ATP8B4: variants seen among roughly 807,000 people sequenced by gnomAD.
The protein encoded by ATP8B4 is ATPase phospholipid transporting 8B4 (putative).
In ATP8B4, 133 loss-of-function variants were observed where a neutral mutation model predicts 145.6. That is an observed-to-expected ratio of 0.91 (90% CI 0.79 to 1.05). The LOEUF is 1.05. ATP8B4 is among the 50% of genes least tolerant of loss of function. ATP8B4 has a pLI of 0.00. For synonymous variants in ATP8B4, 507 were observed against 492.9 expected (o/e 1.03, Z -0.38); for missense variants, 1,458 against 1,425.2 (o/e 1.02, Z -0.37).
chr15:49,935,233 A>G (rs1043026664), intron 14 of ATP8B4, among the ~76,000 whole-genome samples: 1 of 152,074 alleles, frequency 6.6e-6, no homozygotes, highest in Non-Finnish European at 1.5e-5. Flanking sequence ...AATAGGCCCG[A>G]CTTTATGCTA....
intron 6 of ATP8B4, among the ~76,000 whole-genome samples, chr15:50,012,351 A>C (rs1371399595): frequency 6.6e-6 from 1 of 152,182 alleles, no homozygotes; most frequent in Non-Finnish European, 1.5e-5. Context: ...AATTGCCTTG[A>C]AGTCTCTACT....
Position 49,940,571 on chromosome 15 carries a change from T to A in ATP8B4, c.1288-6389A>T, listed in dbSNP as rs543747309. Among the ~76,000 whole-genome samples, 76 of 152,246 alleles carry A rather than the reference T, an allele frequency of 5.0e-4. 1 individual carries two copies. In the East Asian group the frequency reaches 0.01, roughly 21 times the overall value. Reference sequence around the variant, plus strand: ...ATTGAAGTTGAAATTATAAAAAAAATTTTAATCAACAAACAAAATAGACAA... The same window carrying A: ...ATTGAAGTTGAAATTATAAAAAAAAATTTAATCAACAAACAAAATAGACAA... On this transcript the variant is annotated intron_variant, in intron 14 of 27. Coordinates refer to ENST00000284509, the MANE Select transcript of ATP8B4 (RefSeq NM_024837.4).
chr15:50,084,585 C>G (rs548195397), intron 2 of ATP8B4, among the ~76,000 whole-genome samples: 2 of 152,290 alleles, frequency 1.3e-5, no homozygotes, highest in South Asian at 4.1e-4. Context: ...GCTGCTCTAA[C>G]AAATTACCAT....
At chr15:49,908,190 C>T in intron 20 of ATP8B4, 1 of 441,270 alleles carries the variant, frequency 2.3e-6, no homozygotes, top group South Asian at 1.6e-5. Flanking sequence ...TAGCAACAGG[C>T]TTATTAAAAT....
chr15:49,865,068 T>C (rs1354846051), intron 26 of ATP8B4, among the ~76,000 whole-genome samples: 1 of 152,144 alleles, frequency 6.6e-6, no homozygotes, highest in African/African-American at 2.4e-5. Flanking sequence ...GGGCTGCTCA[T>C]CAGAAAGACT....
chr15:49,908,759 AGCCACCACCACTGCCACCACT>A (rs1447900785), intron 20 of ATP8B4, among the ~76,000 whole-genome samples: 1 of 152,102 alleles, frequency 6.6e-6, no homozygotes, highest in Non-Finnish European at 1.5e-5. Context: ...CCCCACCTGC[AGCCACCACCACTGCCACCACT>A]GCCACCATGG....
intron 1 of ATP8B4, among the ~76,000 whole-genome samples, chr15:50,114,098 A>ACT (rs763746406): frequency 1.4e-4 from 4 of 28,868 alleles, no homozygotes; most frequent in African/African-American, 1.8e-4. Flanking sequence ...TTGGTCTCCT[A>ACT]GTTTCTTTTT....
At chr15:49,988,954 G>C (rs1040650373) in intron 9 of ATP8B4, among the ~76,000 whole-genome samples, 6 of 152,148 alleles carry the variant, frequency 3.9e-5, no homozygotes, top group African/African-American at 1.4e-4. Flanking sequence ...TGTCCTCAGG[G>C]CTGCTTTTCC....
chr15:50,049,243 C>G (rs1014488404), intron 3 of ATP8B4, among the ~76,000 whole-genome samples: 1 of 152,220 alleles, frequency 6.6e-6, no homozygotes, highest in African/African-American at 2.4e-5. Flanking sequence ...GACATCCACT[C>G]TCCCTAGTAA....
rs763891989 is a variant in ATP8B4 at position 49,920,426 on chromosome 15, T to C, written c.1759-16A>G. 11 of 1,607,346 alleles carry C rather than the reference T, an allele frequency of 6.8e-6. No homozygotes were observed. Among genetic ancestry groups the C allele is most frequent in the South Asian group, 4.4e-5 (4 of 90,052 alleles). On this transcript the variant is annotated splice_polypyrimidine_tract_variant and intron_variant, in intron 17 of 27. Transcript: ENST00000284509. ...CTGCAAATTCCTGCCAGAGATGACA[T>C]AGACTCATGAACCATCAAAGAAACA... is the stretch of plus-strand genomic sequence containing the variant.
chr15:50,035,798 G>C (rs144561851), intron 6 of ATP8B4, among the ~76,000 whole-genome samples: 1 of 152,138 alleles, frequency 6.6e-6, no homozygotes, highest in Non-Finnish European at 1.5e-5. Flanking sequence ...CTTCCCTTTA[G>C]GGTCCTCCTC....
At chr15:49,945,925 T>C (rs2042526843) in intron 14 of ATP8B4, among the ~76,000 whole-genome samples, 1 of 152,202 alleles carries the variant, frequency 6.6e-6, no homozygotes, top group South Asian at 2.1e-4. Flanking sequence ...AAGCTTTTTC[T>C]GTAAAATCAA....
intron 9 of ATP8B4, among the ~76,000 whole-genome samples, chr15:49,988,573 CA>C (rs2153544155): frequency 6.6e-6 from 1 of 152,034 alleles, no homozygotes; most frequent in South Asian, 2.1e-4. Flanking sequence ...CTCTCAAAAA[CA>C]AACAAACAAA....
At chr15:49,863,106 T>C (rs558636431) in intron 26 of ATP8B4, among the ~76,000 whole-genome samples, 1 of 152,346 alleles carries the variant, frequency 6.6e-6, no homozygotes, top group African/African-American at 2.4e-5. Context: ...TGGCTTGTCA[T>C]AAAAGGGGAG....
chr15:50,181,538 T>C (rs146923008), intron 1 of ATP8B4, among the ~76,000 whole-genome samples: 1 of 152,356 alleles, frequency 6.6e-6, no homozygotes, highest in Non-Finnish European at 1.5e-5. Flanking sequence ...AAAGCTTGAT[T>C]TCAGGTGGTG....
At chr15:49,964,622 T>A (rs12906877) in intron 13 of ATP8B4, among the ~76,000 whole-genome samples, 1 of 152,056 alleles carries the variant, frequency 6.6e-6, no homozygotes, top group South Asian at 2.1e-4. Flanking sequence ...CATTATAAAT[T>A]ATAACAGCAT....
chr15:50,125,814 G>T (rs2057303646), intron 1 of ATP8B4, among the ~76,000 whole-genome samples: 2 of 152,076 alleles, frequency 1.3e-5, no homozygotes, highest in Non-Finnish European at 2.9e-5. Context: ...TAAATTCTTG[G>T]TAAACAACTT....
At chr15:50,116,847 A>G (rs1282966336) in intron 1 of ATP8B4, among the ~76,000 whole-genome samples, 1 of 152,150 alleles carries the variant, frequency 6.6e-6, no homozygotes, top group Non-Finnish European at 1.5e-5. Flanking sequence ...AGGAAGGAAC[A>G]TGTTTCCAAA....
intron 1 of ATP8B4, among the ~76,000 whole-genome samples, chr15:50,170,352 G>A (rs1223589497): frequency 6.6e-6 from 1 of 152,176 alleles, no homozygotes; most frequent in Non-Finnish European, 1.5e-5. Context: ...AGCTAGAAAG[G>A]ATTGGGGACT....
Sources: allele counts gnomAD v4.1 joint callset (sites outside exome capture counted in the v4.1 genomes callset), GRCh38; gene constraint gnomAD v4.1.1; transcripts MANE v1.5; gene names NCBI Gene and HGNC (gene_info 2026-07-23, HGNC 2026-07-21).